The following BTBD9 variants were observed in gnomAD, a reference collection of about 807,000 sequenced individuals.
The protein encoded by BTBD9 is BTB/POZ domain-containing protein 9.
A neutral mutation model predicts 64.3 loss-of-function variants in BTBD9; 49 were observed. The ratio of observed to expected loss-of-function variants is 0.76; its 90% CI spans 0.61 to 0.97. BTBD9 has a LOEUF of 0.97. Among genes scored for constraint, BTBD9 ranks in the 50% least tolerant of loss-of-function variants. BTBD9 has a pLI of 0.00. For missense variants in BTBD9, 598 were observed against 762.1 expected (o/e 0.78, Z 2.53); for synonymous variants, 260 against 274.7 (o/e 0.95, Z 0.53).
chr6:38,196,029 G>C (rs1762264427), intron 9 of BTBD9, among the ~76,000 whole-genome samples: 1 of 152,236 alleles, frequency 6.6e-6, no homozygotes, highest in Non-Finnish European at 1.5e-5. Flanking sequence ...ACACGGCCTG[G>C]AGCCAGTGAG....
intron 9 of BTBD9, among the ~76,000 whole-genome samples, chr6:38,202,825 A>C (rs889142333): frequency 2.0e-5 from 3 of 152,230 alleles, no homozygotes; most frequent in Non-Finnish European, 4.4e-5. Context: ...TAGGGAAACC[A>C]GTTCAGGATA....
chr6:38,332,665 G>GA (rs1763727019), intron 7 of BTBD9, among the ~76,000 whole-genome samples: 1 of 151,384 alleles, frequency 6.6e-6, no homozygotes, highest in Admixed American at 6.6e-5. Context: ...TATTCTCTTG[G>GA]AAAATATTTT....
intron 8 of BTBD9, among the ~76,000 whole-genome samples, chr6:38,263,221 CA>C (rs1276836490): frequency 3.9e-5 from 6 of 152,164 alleles, no homozygotes; most frequent in Non-Finnish European, 7.3e-5. Flanking sequence ...TTCAACAATT[CA>C]AAAAATATTT....
chr6:38,178,658 T>C (rs1204959984), intron 10 of BTBD9, among the ~76,000 whole-genome samples: 1 of 141,452 alleles, frequency 7.1e-6, no homozygotes, highest in Admixed American at 7.4e-5. Flanking sequence ...GGGGGGGACT[T>C]GGTGTGGAAG....
intron 6 of BTBD9, among the ~76,000 whole-genome samples, chr6:38,384,973 C>A (rs1429682911): frequency 6.6e-6 from 1 of 151,618 alleles, no homozygotes; most frequent in Non-Finnish European, 1.5e-5. Context: ...TTTGAAGGGG[C>A]GCTGAGAGCC....
intron 6 of BTBD9, among the ~76,000 whole-genome samples, chr6:38,556,550 TGAGAGA>T (rs139812784): frequency 0.071 from 4,334 of 61,452 alleles, 194 homozygotes; most frequent in African/African-American, 0.18. Context: ...TGTGTGTGTG[TGAGAGA>T]GAGAGAGAGA....
chr6:38,446,870 G>A (rs1422885355), intron 6 of BTBD9, among the ~76,000 whole-genome samples: 6 of 152,076 alleles, frequency 3.9e-5, no homozygotes, highest in Admixed American at 3.3e-4. Context: ...TTTCTAGCAC[G>A]TACTGCAAAG....
intron 6 of BTBD9, among the ~76,000 whole-genome samples, chr6:38,393,472 A>T (rs1766527936): frequency 6.6e-6 from 1 of 151,656 alleles, no homozygotes; most frequent in South Asian, 2.1e-4. Flanking sequence ...GAAAGAACTT[A>T]TTCAACTTCT....
chr6:38,502,066 T>C (rs1464477024), intron 6 of BTBD9, among the ~76,000 whole-genome samples: 1 of 152,184 alleles, frequency 6.6e-6, no homozygotes, highest in East Asian at 1.9e-4. Context: ...AATGAGAAGC[T>C]GGTTTCTATT....
At chr6:38,349,829 T>G (rs1764429909) in intron 6 of BTBD9, among the ~76,000 whole-genome samples, 1 of 152,010 alleles carries the variant, frequency 6.6e-6, no homozygotes, top group South Asian at 2.1e-4. Context: ...CACCACAGTA[T>G]GGGGTCTATG....
At chr6:38,482,484 G>C (rs1771200344) in intron 6 of BTBD9, 1 of 150,974 alleles carries the variant, frequency 6.6e-6, no homozygotes. Context: ...ACTTAAAAGA[G>C]AGAAATCATA....
intron 6 of BTBD9, among the ~76,000 whole-genome samples, chr6:38,460,589 G>A (rs1388703438): frequency 6.6e-6 from 1 of 152,138 alleles, no homozygotes; most frequent in Non-Finnish European, 1.5e-5. Context: ...CACAGAATGT[G>A]TTACTAATCA....
At chr6:38,340,400 T>A (rs1277689759) in intron 7 of BTBD9, among the ~76,000 whole-genome samples, 1 of 152,196 alleles carries the variant, frequency 6.6e-6, no homozygotes, top group African/African-American at 2.4e-5. Flanking sequence ...AGCACGGAAC[T>A]ATCAAGGACT....
intron 1 of BTBD9, among the ~76,000 whole-genome samples, chr6:38,634,015 A>G (rs991743860): frequency 2.0e-5 from 3 of 152,192 alleles, no homozygotes; most frequent in Non-Finnish European, 2.9e-5. Flanking sequence ...TGCACAAGGC[A>G]ATTATTGTTT....
chr6:38,172,006 G>T lies in BTBD9; in HGVS notation c.*2979C>A. The stretch of plus-strand genomic sequence containing the variant: ...TGTGTCCTTTCCATTGGTTACTGAG[G>T]ACCATTGCCCTCATGGGCCCAGGCC... On this transcript the variant is annotated 3_prime_UTR_variant, in exon 11 of 11. Transcript: ENST00000481247. 6.6e-6 allele frequency: 1 copy of T among 151,992 alleles called. No homozygotes were observed. The allele number at this position is 151,992 out of a possible 1,614,324, so 9.4% of individuals were successfully genotyped here. A position where few individuals can be genotyped will look rare whatever the true frequency, so the allele number is the denominator to read the frequency against.
chr6:38,198,791 C>G (rs1357395315), intron 9 of BTBD9, among the ~76,000 whole-genome samples: 4 of 152,256 alleles, frequency 2.6e-5, no homozygotes, highest in African/African-American at 7.2e-5. Flanking sequence ...TGTTTCCCAT[C>G]AAATATATGT....
At chr6:38,518,298 C>A (rs1374640746) in intron 6 of BTBD9, among the ~76,000 whole-genome samples, 2 of 152,182 alleles carry the variant, frequency 1.3e-5, no homozygotes, top group Non-Finnish European at 2.9e-5. Flanking sequence ...AGTATTCTCT[C>A]CTCCCAACGT....
chr6:38,372,664 G>T (rs1287300192), intron 6 of BTBD9, among the ~76,000 whole-genome samples: 1 of 152,114 alleles, frequency 6.6e-6, no homozygotes, highest in East Asian at 1.9e-4. Context: ...TACCCATCTG[G>T]TGCTAGAAGG....
At chr6:38,300,478 T>C (rs769386275) in intron 7 of BTBD9, among the ~76,000 whole-genome samples, 84 of 152,238 alleles carry the variant, frequency 5.5e-4, no homozygotes, top group Non-Finnish European at 1.1e-3. Context: ...ATATTGATTC[T>C]TCCTACCCAT....
Sources: gnomAD v4.1 joint callset for allele counts (sites outside exome capture counted in the v4.1 genomes callset) on GRCh38, gnomAD v4.1.1 for gene constraint, MANE v1.5 for transcripts, NCBI Gene and HGNC (gene_info 2026-07-23, HGNC 2026-07-21) for gene names.